Variants in WNT5B observed in about 807,000 individuals in gnomAD.
WNT5B encodes protein Wnt-5b.
WNT5B carries 18 observed loss-of-function variants against 36.5 expected under a neutral mutation model. The ratio of observed to expected loss-of-function variants is 0.49; its 90% CI spans 0.34 to 0.73. The LOEUF (loss-of-function observed/expected upper bound fraction) is 0.73, where lower values mean the gene tolerates loss of function less well. Ranked by LOEUF, WNT5B falls within the 30% of genes least tolerant of loss-of-function variation. The pLI is 0.01. For synonymous variants in WNT5B, 213 were observed against 212.3 expected, an observed-to-expected ratio of 1.00 and a Z score of -0.03; for missense variants, 424 against 508.4, an observed-to-expected ratio of 0.83 and a Z score of 1.60.
intron 1 of WNT5B, 107 bp from the exon 2 acceptor site, chr12:1,631,191 C>A: frequency 1.0e-6 from 1 of 992,198 alleles, no homozygotes; most frequent in Non-Finnish European, 1.4e-6. Flanking sequence ...TTGTGGGGAA[C>A]ACGCAGCACG....
rs541803423 is a variant in WNT5B at position 1,622,434 on chromosome 12, A to G, written c.-58+5291A>G. ...AGCAGTGCCAGCCTTTACTCTTAGAAGCTGAATGTTACTTATGTCTTTGAG... is the reference window on the plus strand; with the variant it reads ...AGCAGTGCCAGCCTTTACTCTTAGAGGCTGAATGTTACTTATGTCTTTGAG... On this transcript the variant is annotated intron_variant, in intron 1 of 4. Coordinates refer to the WNT5B transcript ENST00000310594. Among the ~76,000 whole-genome samples the G allele has an allele frequency of 5.7e-4, 86 of 152,150 alleles. 1 individual carries two copies. The highest frequency in any genetic ancestry group is 1.1e-3 in the Non-Finnish European group (76 of 68,034).
upstream of WNT5B, among the ~76,000 whole-genome samples, chr12:1,628,499 C>T (rs2094544314): frequency 1.3e-5 from 2 of 152,028 alleles, 1 homozygote; most frequent in South Asian, 4.1e-4. Context: ...CTTTTTAGAC[C>T]CTGGGGAAAT....
At chr12:1,640,871 G>A (rs2094573785) in intron 4 of WNT5B, among the ~76,000 whole-genome samples, 1 of 152,210 alleles carries the variant, frequency 6.6e-6, no homozygotes, top group African/African-American at 2.4e-5. Context: ...AGCCAGTGTT[G>A]ACAGGGACCG....
chr12:1,639,066 C>T (rs542342868), intron 3 of WNT5B, among the ~76,000 whole-genome samples: 1 of 152,290 alleles, frequency 6.6e-6, no homozygotes, highest in East Asian at 1.9e-4. Context: ...GCCTAGGAAT[C>T]TGCAGGTCAC....
intron 1 of WNT5B, among the ~76,000 whole-genome samples, chr12:1,623,184 G>GTTTTTTTTTTTTT (rs1555156800): frequency 1.3e-4 from 7 of 53,490 alleles, no homozygotes; most frequent in Non-Finnish European, 2.1e-4. Context: ...AGGGTTTTTT[G>GTTTTTTTTTTTTT]TTGTTTTTTT....
At chr12:1,637,685 G>A (rs1456585713) in intron 3 of WNT5B, among the ~76,000 whole-genome samples, 1 of 151,786 alleles carries the variant, frequency 6.6e-6, no homozygotes, top group Non-Finnish European at 1.5e-5. Flanking sequence ...GGGCAGCAGA[G>A]GTTGCAGTGA....
intron 3 of WNT5B, among the ~76,000 whole-genome samples, chr12:1,639,366 C>G (rs2094569000): frequency 1.3e-5 from 2 of 152,190 alleles, no homozygotes; most frequent in South Asian, 4.1e-4. Flanking sequence ...TCTCGATCTC[C>G]TGACCTCGTG....
rs1482796535 is a variant in WNT5B at position 1,631,335 on chromosome 12, G to C, written c.-20G>C. 1 of 1,613,804 alleles carries C rather than the reference G, an allele frequency of 6.2e-7. No homozygotes were observed. The highest frequency in any genetic ancestry group is 1.7e-5 in the Admixed American group (1 of 60,002). On this transcript the variant is annotated 5_prime_UTR_variant, in exon 2 of 5. Coordinates refer to ENST00000397196, the MANE Select transcript of WNT5B (RefSeq NM_032642.3). ...TGGAAACTGTCAGTCCCAGGGCACT[G>C]GGGAGGGCTGAGGCCGACCATGCCC...
upstream of WNT5B, among the ~76,000 whole-genome samples, chr12:1,627,195 G>A (rs1330469556): frequency 2.6e-5 from 4 of 152,158 alleles, no homozygotes; most frequent in Non-Finnish European, 5.9e-5. The surrounding 1 kb of genome is among the most constrained non-coding windows in gnomAD (Gnocchi z 5.0). Flanking sequence ...TGGAAGGTGT[G>A]GCCTCAGTGA....
At chr12:1,620,026 T>C (rs1307430852) in intron 1 of WNT5B, among the ~76,000 whole-genome samples, 1 of 152,232 alleles carries the variant, frequency 6.6e-6, no homozygotes, top group Non-Finnish European at 1.5e-5. Context: ...CCATTAGGTA[T>C]TAATATGACT....
At chr12:1,642,917 C>T (rs559743660) in intron 4 of WNT5B, among the ~76,000 whole-genome samples, 9 of 152,200 alleles carry the variant, frequency 5.9e-5, no homozygotes, top group East Asian at 1.9e-4. Context: ...ATTTTTTATC[C>T]TCTCTCCAAG....
At chr12:1,635,976 G>C (rs2094559888) in intron 3 of WNT5B, among the ~76,000 whole-genome samples, 1 of 152,056 alleles carries the variant, frequency 6.6e-6, no homozygotes, top group Non-Finnish European at 1.5e-5. Context: ...CAAGAAGTAG[G>C]GCCAAGGGAG....
chr12:1,619,891 GTTTCTT>G (rs1282890799), intron 1 of WNT5B, among the ~76,000 whole-genome samples: 2 of 151,980 alleles, frequency 1.3e-5, no homozygotes, highest in Non-Finnish European at 1.5e-5. Flanking sequence ...TTCCCAACAT[GTTTCTT>G]TTTGAGTATG....
At chr12:1,635,876 T>A (rs1592529643) in intron 3 of WNT5B, among the ~76,000 whole-genome samples, 1 of 152,218 alleles carries the variant, frequency 6.6e-6, no homozygotes, top group East Asian at 1.9e-4. Context: ...ATTTCACAAC[T>A]GACCAGAAGC....
In WNT5B at chr12:1,646,276, C is replaced by T. The variant is rs752263577; in HGVS notation, c.*24C>T. On this transcript the variant is annotated 3_prime_UTR_variant, in exon 5 of 5. Coordinates refer to ENST00000397196, the MANE Select transcript of WNT5B (RefSeq NM_032642.3). ...AGCCCGGAGGGCCTGCTCCCGGCCCCCCTGCACTCTGCCTCACAAAGGTCT... is the reference window on the plus strand; with the variant it reads ...AGCCCGGAGGGCCTGCTCCCGGCCCTCCTGCACTCTGCCTCACAAAGGTCT... 2 of 1,575,534 alleles carry T rather than the reference C, an allele frequency of 1.3e-6. No individual in the cohort carries two copies. The highest frequency in any genetic ancestry group is 2.3e-5 in the South Asian group (2 of 87,030).
rs1300701726 is a variant in WNT5B, at chr12:1,630,097, C to A, written c.-58+726C>A. The A allele has an allele frequency of 4.0e-5, 39 of 976,286 alleles. No individual in the cohort carries two copies. Among genetic ancestry groups the A allele is most frequent in the Non-Finnish European group, 4.3e-5 (35 of 821,670 alleles). The allele number at this position is 976,286 out of a possible 1,614,324, so 60.5% of individuals were successfully genotyped here. A position where few individuals can be genotyped will look rare whatever the true frequency, so the allele number is the denominator to read the frequency against. On this transcript the variant is annotated intron_variant, in intron 1 of 4. Transcript: ENST00000397196. This position sits in a 1 kb window ranked among gnomAD's most constrained non-coding sequence, Gnocchi z 5.3. Reference sequence around the variant, plus strand: ...TGCTCGGGCCACTGTCCTCTCCTGGCGGCCCCAGGACAAAAATACTTCCCG... The same window carrying A: ...TGCTCGGGCCACTGTCCTCTCCTGGAGGCCCCAGGACAAAAATACTTCCCG...
chr12:1,630,019 G>A lies in WNT5B; in HGVS notation c.-58+648G>A, dbSNP rs993589817. On this transcript the variant is annotated intron_variant, in intron 1 of 4. Transcript: ENST00000397196. The surrounding 1 kb of genome is among the most constrained non-coding windows in gnomAD (Gnocchi z 5.3). ...CCCGCCCCAGCCGAGGCTTCGAGAA[G>A]GAAAATCAAAAGGGGGCTTGGGGAA... 9 of 727,506 alleles carry A rather than the reference G, an allele frequency of 1.2e-5. No individual in the cohort carries two copies. In the Admixed American group the frequency reaches 1.9e-4, roughly 15 times the overall value. 45.1% of individuals were successfully genotyped at this position (727,506 alleles called of 1,614,324 possible). A position where few individuals can be genotyped will look rare whatever the true frequency, so the allele number is the denominator to read the frequency against.
In WNT5B at chr12:1,630,306, G is replaced by A. The variant is rs905831835; in HGVS notation, c.-58+935G>A. The A allele has an allele frequency of 1.0e-5, 9 of 897,168 alleles. No homozygotes were observed. The highest frequency in any genetic ancestry group is 1.2e-5 in the Non-Finnish European group (9 of 749,268). 55.6% of individuals were successfully genotyped at this position (897,168 alleles called of 1,614,324 possible). On this transcript the variant is annotated intron_variant, in intron 1 of 4. Coordinates refer to ENST00000397196, the MANE Select transcript of WNT5B (RefSeq NM_032642.3). This position sits in a 1 kb window ranked among gnomAD's most constrained non-coding sequence, Gnocchi z 5.3. ...CCGGAGGACCGCGGGGGAGCCGCAG[G>A]GGCCGTGTGTCCCGAGGCGCAGGCT... is the stretch of plus-strand genomic sequence containing the variant.
chr12:1,639,629 C>T, intron 3 of WNT5B, 55 bp from the exon 4 acceptor site: 1 of 1,436,466 alleles, frequency 7.0e-7, no homozygotes, highest in Non-Finnish European at 9.1e-7. Flanking sequence ...GGGGGAAGGA[C>T]AGGTCCCCGG....
Sources: gnomAD v4.1 joint callset for allele counts (sites outside exome capture counted in the v4.1 genomes callset) on GRCh38, gnomAD v4.1.1 for gene constraint, Gnocchi (gnomAD v3.1) non-coding constraint, MANE v1.5 for transcripts, NCBI Gene and HGNC (gene_info 2026-07-23, HGNC 2026-07-21) for gene names.